The following TDRD9 variants were observed in gnomAD, a reference collection of about 807,000 sequenced individuals.
TDRD9 encodes tudor domain containing 9, also known as ATP-dependent RNA helicase TDRD9.
In TDRD9, 124 loss-of-function variants were observed where a neutral mutation model predicts 172.6. The observed-to-expected ratio is 0.72, with a 90% CI of 0.62 to 0.83. TDRD9 has a LOEUF of 0.83. Ranked by LOEUF, TDRD9 falls within the 40% of genes least tolerant of loss-of-function variation. The pLI is 0.00. For missense variants in TDRD9, 1,479 were observed against 1,714.1 expected, an observed-to-expected ratio of 0.86 and a Z score of 2.42; for synonymous variants, 619 against 617.1, an observed-to-expected ratio of 1.00 and a Z score of -0.05.
intron 28 of TDRD9, 83 bp downstream of exon 28, chr14:104,027,022 T>G (rs1164954570): frequency 2.3e-5 from 34 of 1,449,782 alleles, no homozygotes; most frequent in Non-Finnish European, 2.4e-5. Context: ...GACCCTGAGA[T>G]AGGAGGAGGC....
At chr14:103,995,920 G>A in intron 12 of TDRD9, 113 bp downstream of exon 12, 1 of 974,348 alleles carries the variant, frequency 1.0e-6, no homozygotes, top group East Asian at 2.7e-5. Flanking sequence ...TCCCGTTTTG[G>A]AACACAGAAT....
chr14:104,052,659 T>A lies in TDRD9; in HGVS notation c.*577T>A, dbSNP rs940531743. The A allele has an allele frequency of 1.3e-5, 2 of 152,276 alleles. No individual in the cohort carries two copies. Among genetic ancestry groups the A allele is most frequent in the African/African-American group, 4.8e-5 (2 of 41,456 alleles). 9.4% of individuals were successfully genotyped at this position (152,276 alleles called of 1,614,324 possible). On this transcript the variant is annotated 3_prime_UTR_variant, in exon 36 of 36. Transcript: ENST00000409874. ...TATCTGTGTTAAAACAATAAAAGCA[T>A]TAAATGAAGTTTCTGTTTCTGACAG...
chr14:104,040,456 A>AGG, intron 33 of TDRD9, 122 bp downstream of exon 33: 1 of 1,095,988 alleles, frequency 9.1e-7, no homozygotes, highest in Non-Finnish European at 1.2e-6. Flanking sequence ...GGTCCTGGAG[A>AGG]TGTGCACGTT....
chr14:103,956,923 A>T (rs2032276765), intron 2 of TDRD9, among the ~76,000 whole-genome samples: 1 of 152,274 alleles, frequency 6.6e-6, no homozygotes, highest in African/African-American at 2.4e-5. Context: ...GATTTCTGCT[A>T]GTTCAGTTGA....
At chr14:104,016,120 G>A (rs1438902409) in intron 22 of TDRD9, 32 bp downstream of exon 22, 2 of 1,431,002 alleles carry the variant, frequency 1.4e-6, no homozygotes. Flanking sequence ...TCCTCTCTGG[G>A]GTGTGGTGGG....
chr14:104,030,358 G>C (rs920858516), intron 28 of TDRD9, among the ~76,000 whole-genome samples: 3 of 152,148 alleles, frequency 2.0e-5, no homozygotes, highest in African/African-American at 7.2e-5. Context: ...TGGGCATGGT[G>C]GTGGGCACCT....
At chr14:104,016,354 C>G (rs943405104) in intron 22 of TDRD9, among the ~76,000 whole-genome samples, 17 of 152,138 alleles carry the variant, frequency 1.1e-4, no homozygotes, top group Admixed American at 9.2e-4. Flanking sequence ...CTGATTTGAT[C>G]ATGTGCTATT....
intron 1 of TDRD9, among the ~76,000 whole-genome samples, chr14:103,930,757 A>G (rs1268828996): frequency 6.6e-6 from 1 of 152,188 alleles, no homozygotes; most frequent in East Asian, 1.9e-4. Flanking sequence ...TTAATGGTCC[A>G]TCACTTACTC....
intron 1 of TDRD9, among the ~76,000 whole-genome samples, chr14:103,943,134 T>A (rs2031340725): frequency 6.6e-6 from 1 of 151,754 alleles, no homozygotes; most frequent in South Asian, 2.1e-4. Flanking sequence ...TCTTTTTTCT[T>A]TCTTTCTTTT....
At chr14:104,019,781 G>A (rs2034898739) in intron 23 of TDRD9, among the ~76,000 whole-genome samples, 1 of 152,226 alleles carries the variant, frequency 6.6e-6, no homozygotes, top group Admixed American at 6.5e-5. Flanking sequence ...TTCGTGGTAG[G>A]AGTGGAGAGT....
At chr14:103,989,380 A>T (rs2033788288) in intron 8 of TDRD9, among the ~76,000 whole-genome samples, 2 of 152,166 alleles carry the variant, frequency 1.3e-5, no homozygotes, top group Admixed American at 6.5e-5. Flanking sequence ...CTTTCTTTTA[A>T]GCCACCTGCT....
chr14:103,959,251 G>T (rs1442641576), intron 2 of TDRD9, among the ~76,000 whole-genome samples: 2 of 152,070 alleles, frequency 1.3e-5, no homozygotes, highest in Admixed American at 1.3e-4. Flanking sequence ...GCCACAGGAG[G>T]CAGAGAGGTG....
intron 1 of TDRD9, among the ~76,000 whole-genome samples, chr14:103,933,572 A>T (rs1011668097): frequency 6.6e-6 from 1 of 151,920 alleles, no homozygotes; most frequent in Non-Finnish European, 1.5e-5. Flanking sequence ...TATTATTTTA[A>T]AAAATATTAT....
chr14:103,968,245 C>T (rs568192366), intron 5 of TDRD9, among the ~76,000 whole-genome samples: 95 of 152,222 alleles, frequency 6.2e-4, no homozygotes, highest in Non-Finnish European at 1.2e-3. Flanking sequence ...AAGACCATCG[C>T]GCCATCACGG....
At chr14:104,049,102 G>GTATA (rs1476152629) in intron 34 of TDRD9, among the ~76,000 whole-genome samples, 1 of 123,684 alleles carries the variant, frequency 8.1e-6, no homozygotes, top group African/African-American at 3.1e-5. Context: ...TTGTTGGTAT[G>GTATA]TATGTATGTA....
At position 104,021,935 on chromosome 14, in the gene TDRD9, C is replaced by T. The variant is rs919082881; in HGVS notation, c.2433-222C>T. ...TGCATTATATTATACAAGGATGATA[C>T]TTGGTTTTGGTTTAATGACATGTCA... On this transcript the variant is annotated intron_variant, in intron 23 of 35. Coordinates refer to ENST00000409874, the MANE Select transcript of TDRD9 (RefSeq NM_153046.3). Among the ~76,000 whole-genome samples the T allele has an allele frequency of 6.6e-5, 10 of 152,212 alleles. No individual in the cohort carries two copies. The South Asian group carries it at 2.1e-3, about 32-fold the overall frequency.
intron 29 of TDRD9, among the ~76,000 whole-genome samples, chr14:104,031,699 A>C (rs1239893357): frequency 6.6e-6 from 1 of 151,902 alleles, no homozygotes; most frequent in Non-Finnish European, 1.5e-5. Context: ...TCTCAGGTCT[A>C]CCTGTGCAAC....
Position 103,990,286 on chromosome 14 carries a change from A to T in TDRD9, c.1116-874A>T, listed in dbSNP as rs769284534. On this transcript the variant is annotated intron_variant, in intron 8 of 35. Coordinates refer to ENST00000409874, the MANE Select transcript of TDRD9 (RefSeq NM_153046.3). ...GTGTGGCTCACCCTCATAGGGAGAG[A>T]TGGAGGAGCAGCAGGAGCAGTGACC... Among the ~76,000 whole-genome samples the T allele has an allele frequency of 3.3e-5, 5 of 152,290 alleles. No homozygotes were observed. In the South Asian group the frequency reaches 6.2e-4, roughly 19 times the overall value.
chr14:103,938,414 G>GTGTA (rs1555362597), intron 1 of TDRD9, among the ~76,000 whole-genome samples: 6 of 97,488 alleles, frequency 6.2e-5, no homozygotes, highest in African/African-American at 2.8e-4. Context: ...GTGTGTGTGT[G>GTGTA]TATATATATA....
Sources: gnomAD v4.1 joint callset for allele counts (sites outside exome capture counted in the v4.1 genomes callset) on GRCh38, gnomAD v4.1.1 for gene constraint, MANE v1.5 for transcripts, NCBI Gene and HGNC (gene_info 2026-07-23, HGNC 2026-07-21) for gene names.